Variants in EIF3E observed in about 807,000 individuals in gnomAD.
The protein encoded by EIF3E is eIF-3 p48.
Under a neutral mutation model 59.3 loss-of-function variants are expected in EIF3E, and 25 were observed. That is an observed-to-expected ratio of 0.42 (90% CI 0.31 to 0.59). EIF3E has a LOEUF of 0.59. Ranked by LOEUF, EIF3E falls within the 20% of genes least tolerant of loss-of-function variation. EIF3E has a pLI of 0.15. For missense variants in EIF3E, 317 were observed against 534.3 expected (o/e 0.59, Z 4.01); for synonymous variants, 176 against 170.2 (o/e 1.03, Z -0.26).
intron 1 of EIF3E, among the ~76,000 whole-genome samples, chr8:108,245,975 C>A (rs1263264408): frequency 6.6e-6 from 1 of 152,080 alleles, no homozygotes; most frequent in Non-Finnish European, 1.5e-5. Context: ...GCAGATAGCC[C>A]CAATCCTATA....
In EIF3E at chr8:108,214,406, C is replaced by G. The variant is rs1815264859; in HGVS notation, c.1061+201G>C. ...CAACTTAGTATTTTGAAAAATTATG[C>G]CACTCAAGCTAAAACTATCTGAGCC... On this transcript the variant is annotated intron_variant, in intron 10 of 12. Coordinates refer to ENST00000220849, the MANE Select transcript of EIF3E (RefSeq NM_001568.3). Among the ~76,000 whole-genome samples, 7 of 152,114 alleles carry G rather than the reference C, an allele frequency of 4.6e-5. No individual in the cohort carries two copies. In the South Asian group the frequency reaches 1.5e-3, roughly 32 times the overall value.
chr8:108,227,928 C>G (rs1025801383), intron 7 of EIF3E: 2 of 174,654 alleles, frequency 1.1e-5, no homozygotes, highest in African/African-American at 4.7e-5. Context: ...AGCCTCATTT[C>G]TAAAGCTTTG....
intron 5 of EIF3E, among the ~76,000 whole-genome samples, chr8:108,231,136 A>T (rs780838399): frequency 3.9e-5 from 6 of 152,196 alleles, no homozygotes; most frequent in Non-Finnish European, 8.8e-5. Flanking sequence ...AAAATTTAAA[A>T]ACTGGTTTAT....
At chr8:108,248,486 TCCGTCCAGGAACCAAACTCGC>T (rs1815992731) in intron 1 of EIF3E, 106 bp downstream of exon 1, 10 of 819,478 alleles carry the variant, frequency 1.2e-5, no homozygotes, top group Admixed American at 2.3e-5. Flanking sequence ...ATCCTTAGTG[TCCGTCCAGGAACCAAACTCGC>T]GACCGCCTCG....
chr8:108,222,620 C>T (rs74507146), intron 7 of EIF3E, among the ~76,000 whole-genome samples: 3,219 of 152,308 alleles, frequency 0.021, 131 homozygotes, highest in African/African-American at 0.073. Flanking sequence ...TGGCTTATCT[C>T]TCTTCTCTGT....
intron 2 of EIF3E, among the ~76,000 whole-genome samples, chr8:108,240,936 C>G (rs890871137): frequency 6.6e-6 from 1 of 151,702 alleles, no homozygotes; most frequent in East Asian, 1.9e-4. Flanking sequence ...GCCGAGATCG[C>G]ACCACTGCAC....
At chr8:108,204,432 G>T (rs148094786) in intron 10 of EIF3E, among the ~76,000 whole-genome samples, 216 of 151,986 alleles carry the variant, frequency 1.4e-3, no homozygotes, top group African/African-American at 4.9e-3. Context: ...CATTATTCTA[G>T]GTGAAGTAAT....
intron 10 of EIF3E, among the ~76,000 whole-genome samples, chr8:108,205,606 A>T (rs1318598404): frequency 6.6e-6 from 1 of 152,222 alleles, no homozygotes; most frequent in Non-Finnish European, 1.5e-5. Flanking sequence ...TTTAAATTGT[A>T]AACTGTTCTG....
chr8:108,248,439 G>A (rs1197760102), intron 1 of EIF3E, among the ~76,000 whole-genome samples, 174 bp downstream of exon 1: 1 of 152,148 alleles, frequency 6.6e-6, no homozygotes, highest in East Asian at 1.9e-4. Context: ...GAATAGTGCG[G>A]TGCTTCTTAA....
chr8:108,214,383 A>AC (rs1815264618), intron 10 of EIF3E, among the ~76,000 whole-genome samples: 1 of 152,192 alleles, frequency 6.6e-6, no homozygotes, highest in African/African-American at 2.4e-5. Flanking sequence ...ATTGCCTTCA[A>AC]CTTAGTATTT....
chr8:108,206,389 A>C (rs967656182), intron 10 of EIF3E, among the ~76,000 whole-genome samples: 5 of 152,180 alleles, frequency 3.3e-5, no homozygotes, highest in Non-Finnish European at 5.9e-5. Context: ...AAATGCAAAA[A>C]GGTCTACCAG....
intron 4 of EIF3E, among the ~76,000 whole-genome samples, chr8:108,235,357 G>A (rs1815707499): frequency 6.6e-6 from 1 of 152,194 alleles, no homozygotes; most frequent in Non-Finnish European, 1.5e-5. Context: ...GGTGGTTTCA[G>A]GATGAACTGT....
intron 10 of EIF3E, among the ~76,000 whole-genome samples, chr8:108,211,470 TA>T (rs1351466610): frequency 3.9e-5 from 6 of 152,204 alleles, no homozygotes; most frequent in African/African-American, 1.4e-4. Flanking sequence ...TTTGTTTAGG[TA>T]CTTTGTAGAT....
chr8:108,216,558 GT>G (rs1274745402), intron 8 of EIF3E, 45 bp from the exon 9 acceptor site: 1 of 1,337,452 alleles, frequency 7.5e-7, no homozygotes, highest in Admixed American at 1.9e-5. Context: ...ATTCAACATT[GT>G]TTAGCAGATT....
At chr8:108,222,879 A>G (rs1219909368) in intron 7 of EIF3E, among the ~76,000 whole-genome samples, 1 of 149,106 alleles carries the variant, frequency 6.7e-6, no homozygotes, top group African/African-American at 2.5e-5. Flanking sequence ...TGTGCTATGA[A>G]GTGAAATTTC....
intron 1 of EIF3E, chr8:108,242,339 G>T (rs1815855436): frequency 1.6e-6 from 2 of 1,289,560 alleles, no homozygotes; most frequent in Non-Finnish European, 2.0e-6. Flanking sequence ...CCACATTGCT[G>T]AAACAACCTG....
intron 10 of EIF3E, among the ~76,000 whole-genome samples, chr8:108,204,798 G>C (rs186039855): frequency 0.013 from 1,815 of 141,682 alleles, 41 homozygotes; most frequent in African/African-American, 0.047. Flanking sequence ...GAGAGAGAGA[G>C]AGAGACTGAA....
At chr8:108,213,853 G>A (rs1311473491) in intron 10 of EIF3E, among the ~76,000 whole-genome samples, 1 of 152,048 alleles carries the variant, frequency 6.6e-6, no homozygotes. Context: ...TTCAACGGAC[G>A]GCCCACTAAA....
At chr8:108,247,957 T>C (rs1815978958) in intron 1 of EIF3E, among the ~76,000 whole-genome samples, 1 of 127,284 alleles carries the variant, frequency 7.9e-6, no homozygotes, top group African/African-American at 3.0e-5. Flanking sequence ...AACGACCAAT[T>C]CAAACCACAT....
Sources: gnomAD v4.1 joint callset for allele counts (sites outside exome capture counted in the v4.1 genomes callset) on GRCh38, gnomAD v4.1.1 for gene constraint, MANE v1.5 for transcripts, NCBI Gene and HGNC (gene_info 2026-07-23, HGNC 2026-07-21) for gene names.